The following NINL variants were observed in gnomAD, a reference collection of about 807,000 sequenced individuals.
The protein encoded by NINL is ninein like.
Under a neutral mutation model 160.3 loss-of-function variants are expected in NINL, and 153 were observed. The observed-to-expected ratio is 0.95, with a 90% CI of 0.84 to 1.09. NINL has a LOEUF of 1.09. NINL is among the 50% of genes least tolerant of loss of function. NINL has a pLI of 0.00. For missense variants in NINL, 1,829 were observed against 1,764.0 expected, an observed-to-expected ratio of 1.04 and a Z score of -0.66; for synonymous variants, 800 against 734.8, an observed-to-expected ratio of 1.09 and a Z score of -1.43.
chr20:25,546,985 C>A (rs58476027), intron 1 of NINL, among the ~76,000 whole-genome samples: 3,223 of 152,246 alleles, frequency 0.021, 103 homozygotes, highest in African/African-American at 0.073. Context: ...CTCATCTGTT[C>A]TCATAAGGAC....
intron 19 of NINL, among the ~76,000 whole-genome samples, chr20:25,464,169 T>A (rs408853): frequency 1.3e-5 from 2 of 151,946 alleles, no homozygotes; most frequent in African/African-American, 4.8e-5. Flanking sequence ...GTAATACCAG[T>A]GCTTTGGGAG....
At chr20:25,520,483 A>G (rs1238306313) in intron 2 of NINL, among the ~76,000 whole-genome samples, 4 of 152,184 alleles carry the variant, frequency 2.6e-5, no homozygotes, top group Non-Finnish European at 4.4e-5. Context: ...TAAATTATAC[A>G]TGCATTTGCT....
At chr20:25,547,478 A>G (rs2210053) in intron 1 of NINL, among the ~76,000 whole-genome samples, 147,853 of 152,248 alleles carry the variant, frequency 0.97, 71,936 homozygotes, top group Non-Finnish European at 1. Flanking sequence ...CGTGGGACTC[A>G]TGACTGCCTT....
chr20:25,491,302 A>G (rs1324448484), intron 11 of NINL, 49 bp downstream of exon 11: 1 of 1,553,656 alleles, frequency 6.4e-7, no homozygotes, highest in South Asian at 1.2e-5. Context: ...GGTGTGGGGA[A>G]TGCTCAGGCA....
intron 1 of NINL, among the ~76,000 whole-genome samples, chr20:25,561,496 C>T (rs962885308): frequency 4.0e-5 from 6 of 150,574 alleles, no homozygotes; most frequent in African/African-American, 7.3e-5. Flanking sequence ...GGCCGCCCAT[C>T]GTCTGGGATG....
chr20:25,461,466 G>T, intron 21 of NINL, 56 bp downstream of exon 21: 1 of 1,069,150 alleles, frequency 9.4e-7, no homozygotes, highest in Non-Finnish European at 1.4e-6. Flanking sequence ...GCACTGCGGT[G>T]ATGCTGCTCC....
At chr20:25,555,061 T>A (rs1332312950) in intron 1 of NINL, among the ~76,000 whole-genome samples, 4 of 152,184 alleles carry the variant, frequency 2.6e-5, no homozygotes. Flanking sequence ...GATCACAGGC[T>A]GAGATGAATA....
intron 2 of NINL, 98 bp from the exon 3 acceptor site, chr20:25,517,947 T>C (rs758761803): frequency 1.7e-5 from 11 of 629,494 alleles, no homozygotes; most frequent in Non-Finnish European, 2.9e-5. Context: ...AGAAATATAT[T>C]ATTACTGCCT....
intron 1 of NINL, among the ~76,000 whole-genome samples, chr20:25,538,967 C>T (rs1418082209): frequency 2.0e-5 from 3 of 152,152 alleles, no homozygotes; most frequent in African/African-American, 7.2e-5. Context: ...GCTGGAGAGG[C>T]CCTGCCCACT....
chr20:25,577,911 C>A (rs1707528573), intron 1 of NINL, among the ~76,000 whole-genome samples: 1 of 151,628 alleles, frequency 6.6e-6, no homozygotes, highest in Non-Finnish European at 1.5e-5. Flanking sequence ...CGGCTCACTG[C>A]AATCTCCACC....
At chr20:25,506,576 G>A (rs896522749) in intron 5 of NINL, among the ~76,000 whole-genome samples, 5 of 152,184 alleles carry the variant, frequency 3.3e-5, no homozygotes, top group East Asian at 1.9e-4. Flanking sequence ...CACCAACATC[G>A]TAACTGGGCC....
Position 25,453,439 on chromosome 20 carries a change from A to T in NINL, c.*12T>A. On this transcript the variant is annotated 3_prime_UTR_variant, in exon 24 of 24. Transcript: ENST00000278886. ...ATGTGCTTTCGAATGAATCCTAGAA[A>T]ATAATCTGTCTTTACACAGAGAGGG... 6.3e-7 allele frequency: 1 copy of T among 1,578,926 alleles called. No individual in the cohort carries two copies. Among genetic ancestry groups the T allele is most frequent in the Non-Finnish European group, 8.6e-7 (1 of 1,161,042 alleles).
chr20:25,507,580 A>C (rs542929478), intron 5 of NINL, among the ~76,000 whole-genome samples: 5 of 152,192 alleles, frequency 3.3e-5, no homozygotes, highest in Non-Finnish European at 1.5e-5. Flanking sequence ...GCTTCCACCC[A>C]ACACAGACTT....
chr20:25,528,894 C>G (rs1482054601), intron 1 of NINL, among the ~76,000 whole-genome samples: 1 of 152,188 alleles, frequency 6.6e-6, no homozygotes, highest in Non-Finnish European at 1.5e-5. Flanking sequence ...AATGAAGCAA[C>G]ATCTCTTTCC....
At chr20:25,504,440 C>A (rs772646714) in intron 6 of NINL, among the ~76,000 whole-genome samples, 14 of 152,188 alleles carry the variant, frequency 9.2e-5, no homozygotes, top group Non-Finnish European at 1.6e-4. Context: ...TGAGGCCCAG[C>A]AAGGACACAG....
intron 1 of NINL, among the ~76,000 whole-genome samples, chr20:25,538,457 C>T (rs1352721713): frequency 6.6e-6 from 1 of 152,218 alleles, no homozygotes; most frequent in Non-Finnish European, 1.5e-5. Context: ...GTTCTTTCAG[C>T]TCACCCCAGC....
At chr20:25,502,598 T>A (rs1360332888) in intron 7 of NINL, among the ~76,000 whole-genome samples, 1 of 152,234 alleles carries the variant, frequency 6.6e-6, no homozygotes, top group Non-Finnish European at 1.5e-5. Flanking sequence ...ATCCCCGATG[T>A]TGGAGGTGGG....
intron 1 of NINL, among the ~76,000 whole-genome samples, chr20:25,574,954 T>C (rs1320776688): frequency 1.3e-5 from 2 of 151,856 alleles, no homozygotes; most frequent in African/African-American, 4.8e-5. Flanking sequence ...GCTGTCAAAA[T>C]GTGACCCAGT....
At chr20:25,466,748 C>A (rs1241127487) in intron 19 of NINL, among the ~76,000 whole-genome samples, 2 of 151,994 alleles carry the variant, frequency 1.3e-5, no homozygotes, top group African/African-American at 4.8e-5. Flanking sequence ...TGCAGTGAGC[C>A]AAGATCGCAC....
Sources: gnomAD v4.1 joint callset for allele counts (sites outside exome capture counted in the v4.1 genomes callset) on GRCh38, gnomAD v4.1.1 for gene constraint, MANE v1.5 for transcripts, NCBI Gene and HGNC (gene_info 2026-07-23, HGNC 2026-07-21) for gene names.